Variants in CSMD1 observed in about 807,000 individuals in gnomAD.
CSMD1 encodes CUB and sushi domain-containing protein 1.
CSMD1 carries 213 observed loss-of-function variants against 417.5 expected under a neutral mutation model. The ratio of observed to expected loss-of-function variants is 0.51; its 90% CI spans 0.46 to 0.57. The LOEUF (loss-of-function observed/expected upper bound fraction) is 0.57. Among genes scored for constraint, CSMD1 ranks in the 20% least tolerant of loss-of-function variants. The probability of loss-of-function intolerance (pLI) is 0.00; values close to 1 mark genes in which losing one functional copy is unlikely to be tolerated. For synonymous variants in CSMD1, 2,862 were observed against 1,736.8 expected (o/e 1.65, Z -16.11); for missense variants, 6,923 against 4,529.7 (o/e 1.53, Z -15.17).
At chr8:3,459,637 G>C (rs1047737332) in intron 12 of CSMD1, among the ~76,000 whole-genome samples, 1 of 152,096 alleles carries the variant, frequency 6.6e-6, no homozygotes, top group Admixed American at 6.5e-5. Flanking sequence ...GGTAACTCCC[G>C]GACGGTCCAG....
intron 5 of CSMD1, among the ~76,000 whole-genome samples, chr8:3,845,182 T>C (rs1803415729): frequency 6.6e-6 from 1 of 152,196 alleles, no homozygotes; most frequent in Non-Finnish European, 1.5e-5. Flanking sequence ...AGAAAACACA[T>C]ACCGTTAGGA....
chr8:4,373,878 C>A (rs1019157718), intron 3 of CSMD1, among the ~76,000 whole-genome samples: 1 of 152,100 alleles, frequency 6.6e-6, no homozygotes, highest in Non-Finnish European at 1.5e-5. Flanking sequence ...TTTGCTTTAA[C>A]GCAGAAGCTG....
At chr8:3,569,335 A>G (rs2116910839) in intron 10 of CSMD1, among the ~76,000 whole-genome samples, 1 of 152,336 alleles carries the variant, frequency 6.6e-6, no homozygotes, top group African/African-American at 2.4e-5. Context: ...ATTTTGCATG[A>G]GGAGTTTTAC....
chr8:4,217,110 G>A (rs772716778), intron 3 of CSMD1, among the ~76,000 whole-genome samples: 37 of 152,150 alleles, frequency 2.4e-4, no homozygotes, highest in Admixed American at 7.2e-4. Flanking sequence ...CATTTTAGTT[G>A]GTGTAGTGCT....
intron 3 of CSMD1, among the ~76,000 whole-genome samples, chr8:4,334,822 G>A (rs1035811547): frequency 2.0e-5 from 3 of 151,278 alleles, no homozygotes; most frequent in African/African-American, 4.9e-5. Flanking sequence ...ATATTCGGAG[G>A]TTTTTAAAGA....
rs1799851286 is a variant in CSMD1, at chr8:4,204,344, C to T, written c.416-172245G>A. On this transcript the variant is annotated intron_variant, in intron 3 of 69. Transcript: ENST00000635120. Reference sequence around the variant, plus strand: ...TAGTTTTTTAAAAATGTCCTATTTCCACTTCTAGGTGAGCAAACTGACAAC... The same window carrying T: ...TAGTTTTTTAAAAATGTCCTATTTCTACTTCTAGGTGAGCAAACTGACAAC... Among the ~76,000 whole-genome samples, 3 of 151,690 alleles carry T rather than the reference C, an allele frequency of 2.0e-5. No individual in the cohort carries two copies. In the South Asian group the frequency reaches 6.2e-4, roughly 32 times the overall value.
At chr8:4,203,588 G>C (rs943923834) in intron 3 of CSMD1, among the ~76,000 whole-genome samples, 2 of 152,144 alleles carry the variant, frequency 1.3e-5, no homozygotes, top group Middle Eastern at 3.2e-3. Flanking sequence ...GGGAGACTTA[G>C]AATCAAAGAG....
At chr8:4,217,242 T>C (rs1011757560) in intron 3 of CSMD1, among the ~76,000 whole-genome samples, 3 of 152,200 alleles carry the variant, frequency 2.0e-5, no homozygotes, top group African/African-American at 7.2e-5. Context: ...AATGCTTCTA[T>C]CTAGATATGG....
At chr8:4,039,400 C>T (rs28464260) in intron 3 of CSMD1, among the ~76,000 whole-genome samples, 3 of 152,190 alleles carry the variant, frequency 2.0e-5, no homozygotes, top group Non-Finnish European at 1.5e-5. Context: ...TTAGAAAAAT[C>T]TGGTTATATA....
intron 2 of CSMD1, among the ~76,000 whole-genome samples, chr8:4,433,135 A>T (rs1396856759): frequency 6.6e-6 from 1 of 152,248 alleles, no homozygotes; most frequent in Non-Finnish European, 1.5e-5. Flanking sequence ...CCAGTTGCAG[A>T]AAAACAAGCT....
intron 37 of CSMD1, among the ~76,000 whole-genome samples, chr8:3,165,081 G>C (rs968609932): frequency 6.6e-6 from 1 of 151,700 alleles, no homozygotes; most frequent in Non-Finnish European, 1.5e-5. Context: ...GTTTAACATG[G>C]CCAGACTCAG....
At chr8:4,658,061 G>A (rs1804355846) in intron 1 of CSMD1, among the ~76,000 whole-genome samples, 1 of 151,588 alleles carries the variant, frequency 6.6e-6, no homozygotes, top group Non-Finnish European at 1.5e-5. Flanking sequence ...CAGTATGAAG[G>A]GAAAAAGAAG....
At chr8:3,154,418 A>G (rs2129037018) in intron 39 of CSMD1, among the ~76,000 whole-genome samples, 1 of 152,338 alleles carries the variant, frequency 6.6e-6, no homozygotes, top group South Asian at 2.1e-4. Flanking sequence ...ATAGGTAAAT[A>G]GCATATTTAG....
intron 3 of CSMD1, among the ~76,000 whole-genome samples, chr8:4,363,940 A>T (rs564021932): frequency 1.3e-5 from 2 of 152,332 alleles, no homozygotes; most frequent in South Asian, 4.1e-4. Flanking sequence ...AATGGTTAAC[A>T]AGTACAAAAA....
intron 2 of CSMD1, among the ~76,000 whole-genome samples, chr8:4,557,421 T>A (rs1423149415): frequency 1.3e-5 from 2 of 150,040 alleles, no homozygotes; most frequent in African/African-American, 5.0e-5. Flanking sequence ...CATCTGAAAA[T>A]CTGCGAGGTT....
chr8:3,207,998 T>C (rs1797400729), intron 30 of CSMD1, among the ~76,000 whole-genome samples: 1 of 152,192 alleles, frequency 6.6e-6, no homozygotes, highest in Non-Finnish European at 1.5e-5. Context: ...TCTCTCCACC[T>C]TAACCATGTG....
rs1452417378 is a variant in CSMD1 at position 3,018,799 on chromosome 8, A to G, written c.7856-149T>C. On this transcript the variant is annotated intron_variant, in intron 51 of 69. Transcript: ENST00000635120. Reference sequence around the variant, plus strand: ...AGAACATGGTTGAGAGTGTCTGCTTAGGGCTGGATAGACCAGTCACTTAAG... The same window carrying G: ...AGAACATGGTTGAGAGTGTCTGCTTGGGGCTGGATAGACCAGTCACTTAAG... 3 of 666,544 alleles carry G rather than the reference A, an allele frequency of 4.5e-6. No individual in the cohort carries two copies. In the East Asian group the frequency reaches 8.3e-5, roughly 19 times the overall value. The allele number at this position is 666,544 out of a possible 1,614,324, so 41.3% of individuals were successfully genotyped here.
chr8:3,753,805 G>C lies in CSMD1; in HGVS notation c.931+125C>G, dbSNP rs1412008287. 27 of 600,194 alleles carry C rather than the reference G, an allele frequency of 4.5e-5. No individual in the cohort carries two copies. In the South Asian group the frequency reaches 4.7e-4, roughly 10 times the overall value. The allele number at this position is 600,194 out of a possible 1,614,324, so 37.2% of individuals were successfully genotyped here. A position where few individuals can be genotyped will look rare whatever the true frequency, so the allele number is the denominator to read the frequency against. On this transcript the variant is annotated intron_variant, in intron 6 of 69. Transcript: ENST00000635120. ...GACTATATGATTTCCAAAGATAACTGTGAATAAAAGAATTAGAAACCATTT... is the reference window on the plus strand; with the variant it reads ...GACTATATGATTTCCAAAGATAACTCTGAATAAAAGAATTAGAAACCATTT...
At chr8:3,673,467 C>A (rs1015815053) in intron 7 of CSMD1, among the ~76,000 whole-genome samples, 1 of 152,216 alleles carries the variant, frequency 6.6e-6, no homozygotes, top group African/African-American at 2.4e-5. Context: ...TTATGACAAG[C>A]AAGAATGTGT....
Sources: allele counts gnomAD v4.1 joint callset (sites outside exome capture counted in the v4.1 genomes callset), GRCh38; gene constraint gnomAD v4.1.1; transcripts MANE v1.5; gene names NCBI Gene and HGNC (gene_info 2026-07-23, HGNC 2026-07-21).